Variants in KIF11 observed in about 807,000 individuals in gnomAD.
The protein encoded by KIF11 is kinesin-like protein KIF11.
KIF11 carries 9 observed loss-of-function variants against 121.0 expected under a neutral mutation model. That is an observed-to-expected ratio of 0.07 (90% CI 0.04 to 0.13). The LOEUF (loss-of-function observed/expected upper bound fraction) is 0.13, where lower values mean the gene tolerates loss of function less well. KIF11 is among the 10% of genes least tolerant of loss of function. KIF11 has a pLI of 1.00. For synonymous variants in KIF11, 408 were observed against 421.0 expected (o/e 0.97, Z 0.38); for missense variants, 846 against 1,217.5 (o/e 0.69, Z 4.54).
At chr10:92,618,592 T>C (rs893783231) in intron 9 of KIF11, among the ~76,000 whole-genome samples, 13 of 145,298 alleles carry the variant, frequency 8.9e-5, no homozygotes, top group African/African-American at 3.2e-4. Flanking sequence ...TGCAGTGAGC[T>C]GAGATCGAGC....
chr10:92,632,829 G>T (rs1844753891), intron 13 of KIF11, 136 bp downstream of exon 13: 1 of 476,834 alleles, frequency 2.1e-6, no homozygotes, highest in Non-Finnish European at 3.6e-6. Context: ...TCAGGGTGAA[G>T]ATTAATGCTT....
chr10:92,646,550 A>C (rs965244066), intron 18 of KIF11, among the ~76,000 whole-genome samples: 11 of 152,220 alleles, frequency 7.2e-5, no homozygotes, highest in Admixed American at 6.5e-4. Context: ...TAGGAAATGT[A>C]TAATATATGA....
Position 92,606,307 on chromosome 10 carries a change from A to G in KIF11, c.120A>G (p.Ile40Met), listed in dbSNP as rs1844430333. ...AGCGGAAAGCTAGCGCCCATTCAAT[A>G]GTAGAATGTGATCCTGTACGAAAAG... ...LAERKASAHS[I>M]VECDPVRKEV... Residue 40 changes from isoleucine to methionine, a missense_variant, in exon 2 of 22, where the codon ATA (isoleucine) becomes ATG (methionine). Ile to Met is a conservative substitution (Grantham distance 10, BLOSUM62 1). Around this residue, in one of 5 missense-constraint regions of KIF11, gnomAD observed 140 missense variants for 193.5 expected, o/e 0.72. Transcript: ENST00000260731. The G allele has an allele frequency of 1.2e-6, 2 of 1,608,618 alleles. No individual in the cohort carries two copies. Among genetic ancestry groups the G allele is most frequent in the Admixed American group, 1.7e-5 (1 of 58,178 alleles).
intron 12 of KIF11, among the ~76,000 whole-genome samples, chr10:92,631,832 C>T (rs889313832): frequency 6.6e-6 from 1 of 152,068 alleles, no homozygotes; most frequent in Non-Finnish European, 1.5e-5. Context: ...CCTGCCACCA[C>T]ACCCAGCTAA....
At chr10:92,601,945 A>G (rs934304548) in intron 1 of KIF11, among the ~76,000 whole-genome samples, 1 of 152,046 alleles carries the variant, frequency 6.6e-6, no homozygotes, top group Non-Finnish European at 1.5e-5. Context: ...GTTTCACTCT[A>G]TTCCTAGTTT....
intron 17 of KIF11, among the ~76,000 whole-genome samples, chr10:92,644,251 A>G (rs1231877753): frequency 6.6e-6 from 1 of 152,154 alleles, no homozygotes; most frequent in Non-Finnish European, 1.5e-5. Flanking sequence ...TGCGTTTGGC[A>G]TTTATTGTCA....
rs1274879270 is a variant in KIF11 at position 92,597,851 on chromosome 10, A to G, written c.77+4399A>G. ...TTTTTAGTAGAGATGGGGTTTCACC[A>G]TGTTGGTCAGGCTGGTCTTGATCTC... On this transcript the variant is annotated intron_variant, in intron 1 of 21. Transcript: ENST00000260731. Among the ~76,000 whole-genome samples, 4 of 151,076 alleles carry G rather than the reference A, an allele frequency of 2.6e-5. No homozygotes were observed. The East Asian group carries it at 7.9e-4, about 30-fold the overall frequency.
At position 92,616,754 on chromosome 10, in the gene KIF11, G is replaced by A. The variant is rs1844561708; in HGVS notation, c.1050G>A (p.Leu350=). ...SLNLEETLST[L]EYAHRAKNIL... ...CATGACAGGAAACTCTGAGTACATT[G>A]GAATATGCTCATAGAGCAAAGAACA... is the stretch of plus-strand genomic sequence containing the variant. Residue 350 remains leucine (L), a synonymous_variant, in exon 9 of 22, where the codon TTG becomes TTA. Coordinates refer to ENST00000260731, the MANE Select transcript of KIF11 (RefSeq NM_004523.4). The A allele has an allele frequency of 6.3e-7, 1 of 1,596,552 alleles. No individual in the cohort carries two copies. The highest frequency in any genetic ancestry group is 1.3e-5 in the African/African-American group (1 of 74,402).
At chr10:92,637,689 G>C in intron 16 of KIF11, 144 bp downstream of exon 16, 1 of 759,178 alleles carries the variant, frequency 1.3e-6, no homozygotes, top group Non-Finnish European at 2.1e-6. Context: ...GCTTATAACA[G>C]TAATTATTGT....
intron 6 of KIF11, among the ~76,000 whole-genome samples, chr10:92,612,282 C>T (rs1844506244): frequency 6.6e-6 from 1 of 151,900 alleles, no homozygotes; most frequent in Non-Finnish European, 1.5e-5. Context: ...ACTGTAGGAG[C>T]GTGCCACCAC....
intron 1 of KIF11, among the ~76,000 whole-genome samples, chr10:92,604,669 T>C (rs1037689473): frequency 9.9e-5 from 15 of 152,166 alleles, no homozygotes; most frequent in African/African-American, 3.6e-4. Context: ...CCTTCTTAAA[T>C]AAGTAGCAAC....
Position 92,613,681 on chromosome 10 carries a change from AT to A in KIF11, c.1032+66del. 1 of 1,487,114 alleles carries A rather than the reference AT, an allele frequency of 6.7e-7. No individual in the cohort carries two copies. The highest frequency in any genetic ancestry group is 9.1e-7 in the Non-Finnish European group (1 of 1,102,320). 92.1% of individuals were successfully genotyped at this position (1,487,114 alleles called of 1,614,324 possible). On this transcript the variant is annotated intron_variant, in intron 8 of 21. Coordinates refer to ENST00000260731, the MANE Select transcript of KIF11 (RefSeq NM_004523.4). This position sits in a 1 kb window ranked among gnomAD's most constrained non-coding sequence, Gnocchi z 4.2. ...TGTAATTCTTATTTGGCTATTATAT[AT>A]TTTAAAAGTTCATTTACTAGGATGG...
chr10:92,620,544 T>TG (rs1844606230), intron 9 of KIF11, among the ~76,000 whole-genome samples: 1 of 152,220 alleles, frequency 6.6e-6, no homozygotes, highest in South Asian at 2.1e-4. Flanking sequence ...TCCTCACCGA[T>TG]GCTCAGATTG....
chr10:92,639,575 AGAGT>A (rs1468860852), intron 16 of KIF11, among the ~76,000 whole-genome samples: 1 of 152,122 alleles, frequency 6.6e-6, no homozygotes, highest in Admixed American at 6.5e-5. Flanking sequence ...CTTGGACAAC[AGAGT>A]GAGACCCTGT....
chr10:92,628,966 T>C, intron 11 of KIF11, 71 bp downstream of exon 11: 138 of 712,152 alleles, frequency 1.9e-4, no homozygotes, highest in Non-Finnish European at 3.0e-4. Flanking sequence ...GAATGAAAGA[T>C]CTAATATTTT....
rs765268903 is a variant in KIF11, at chr10:92,616,809, C to T, written c.1105C>T (p.Leu369Phe). ...ILNKPEVNQK[L>F]TKKALIKEYT... ...GAATAAGCCTGAAGTGAATCAGAAA[C>T]TCACCAAAAAAGCTCTTATTAAGGT... The change falls in exon 9 of 22, where the codon CTC (leucine) becomes TTC (phenylalanine). Residue 369 changes from leucine to phenylalanine, a missense_variant. This residue lies in a region of KIF11 where 116 missense variants were observed against 285.3 expected (regional missense o/e 0.41). Coordinates refer to ENST00000260731, the MANE Select transcript of KIF11 (RefSeq NM_004523.4). 6.3e-7 allele frequency: 1 copy of T among 1,597,152 alleles called. No homozygotes were observed. Among genetic ancestry groups the T allele is most frequent in the Non-Finnish European group, 8.5e-7 (1 of 1,169,718 alleles).
chr10:92,639,937 A>C (rs1844847232), intron 17 of KIF11, 37 bp downstream of exon 17: 1 of 1,079,580 alleles, frequency 9.3e-7, no homozygotes, highest in African/African-American at 1.6e-5. Context: ...CTTTTCTGTA[A>C]GTCTGAAATT....
chr10:92,601,371 T>C (rs751539064), intron 1 of KIF11, among the ~76,000 whole-genome samples: 3 of 151,644 alleles, frequency 2.0e-5, no homozygotes, highest in Non-Finnish European at 4.4e-5. Context: ...CAGCTAATTT[T>C]TTTTTTTTCT....
Position 92,648,383 on chromosome 10 carries a change from A to G in KIF11, c.2719A>G (p.Thr907Ala). Residue 907 changes from threonine to alanine, a missense_variant, in exon 19 of 22, where the codon ACT becomes GCT. By Grantham distance (58) the Thr-to-Ala change is moderately conservative. Around this residue, in one of 5 missense-constraint regions of KIF11, gnomAD observed 492 missense variants for 603.4 expected, o/e 0.82. Transcript: ENST00000260731. The part of the protein sequence containing the change: ...ELNETIKIGL[T>A]KLNCFLEQDL... ...TAATGAAACCATAAAAATTGGTTTGACTAAGCTTAATTGCTTTCTGGAACA... is the reference window on the plus strand; with the variant it reads ...TAATGAAACCATAAAAATTGGTTTGGCTAAGCTTAATTGCTTTCTGGAACA... 1 of 1,612,888 alleles carries G rather than the reference A, an allele frequency of 6.2e-7. No homozygotes were observed.
Sources: gnomAD v4.1 joint callset for allele counts (sites outside exome capture counted in the v4.1 genomes callset) on GRCh38, gnomAD v4.1.1 for gene constraint, gnomAD v4.1.1 regional missense constraint, Gnocchi (gnomAD v3.1) non-coding constraint, MANE v1.5 for transcripts, NCBI Gene and HGNC (gene_info 2026-07-23, HGNC 2026-07-21) for gene names.